ASAP1: variants seen among roughly 807,000 people sequenced by gnomAD.
ASAP1 encodes arf-GAP with SH3 domain, ANK repeat and PH domain-containing protein 1.
Under a neutral mutation model 145.2 loss-of-function variants are expected in ASAP1, and 43 were observed. The observed-to-expected ratio is 0.30, with a 90% CI of 0.23 to 0.38. The LOEUF (loss-of-function observed/expected upper bound fraction) is 0.38. ASAP1 is among the 10% of genes least tolerant of loss of function. The pLI is 1.00. For synonymous variants in ASAP1, 546 were observed against 515.5 expected, an observed-to-expected ratio of 1.06 and a Z score of -0.80; for missense variants, 1,018 against 1,355.3, an observed-to-expected ratio of 0.75 and a Z score of 3.91.
intron 1 of ASAP1, among the ~76,000 whole-genome samples, chr8:130,420,621 C>T (rs1330587430): frequency 2.0e-5 from 3 of 152,144 alleles, no homozygotes; most frequent in East Asian, 1.9e-4. Context: ...AGGCCAGGTG[C>T]GGTGGCTCAC....
At chr8:130,312,380 G>A (rs1041782514) in intron 3 of ASAP1, among the ~76,000 whole-genome samples, 1 of 151,940 alleles carries the variant, frequency 6.6e-6, no homozygotes, top group East Asian at 1.9e-4. Context: ...CTTTGAAAGG[G>A]AGCTTGAACA....
At chr8:130,296,030 T>G (rs1275675117) in intron 3 of ASAP1, among the ~76,000 whole-genome samples, 1 of 152,204 alleles carries the variant, frequency 6.6e-6, no homozygotes, top group African/African-American at 2.4e-5. Context: ...AAGCCTGCCT[T>G]GCTCACCTCT....
intron 25 of ASAP1, chr8:130,084,693 T>C (rs2135365829): frequency 6.6e-6 from 1 of 152,316 alleles, no homozygotes; most frequent in South Asian, 2.1e-4. Flanking sequence ...AAGCAAGTCA[T>C]TTGACTTCTC....
chr8:130,438,097 C>G (rs1373345806), intron 1 of ASAP1, among the ~76,000 whole-genome samples: 2 of 152,170 alleles, frequency 1.3e-5, no homozygotes, highest in African/African-American at 2.4e-5. Context: ...CTCAGCTCGT[C>G]GGTGGCCAAG....
At chr8:130,390,282 T>G (rs1282656373) in intron 2 of ASAP1, among the ~76,000 whole-genome samples, 2 of 152,240 alleles carry the variant, frequency 1.3e-5, no homozygotes, top group Non-Finnish European at 2.9e-5. Context: ...AAGCACATTT[T>G]AAGTGCTCAA....
chr8:130,242,275 A>C (rs1383720516), intron 3 of ASAP1, among the ~76,000 whole-genome samples: 4 of 149,180 alleles, frequency 2.7e-5, no homozygotes, highest in South Asian at 2.1e-4. Flanking sequence ...AAAAAAAAAA[A>C]AAAAAAAACA....
chr8:130,343,438 A>G (rs1825512922), intron 3 of ASAP1, among the ~76,000 whole-genome samples: 2 of 152,328 alleles, frequency 1.3e-5, no homozygotes, highest in South Asian at 4.1e-4. Flanking sequence ...AACACACACA[A>G]GGGCAACAGC....
chr8:130,332,241 A>T (rs548655863), intron 3 of ASAP1, among the ~76,000 whole-genome samples: 4 of 152,168 alleles, frequency 2.6e-5, no homozygotes, highest in African/African-American at 9.7e-5. Flanking sequence ...GAAGATGTTG[A>T]GTGCTTGTTA....
At chr8:130,243,956 A>G (rs1818696702) in intron 3 of ASAP1, among the ~76,000 whole-genome samples, 1 of 152,220 alleles carries the variant, frequency 6.6e-6, no homozygotes, top group South Asian at 2.1e-4. Flanking sequence ...TGTCACCAGC[A>G]CTGAAAACAA....
chr8:130,232,941 G>A (rs926054485), intron 4 of ASAP1, among the ~76,000 whole-genome samples: 1 of 152,196 alleles, frequency 6.6e-6, no homozygotes, highest in South Asian at 2.1e-4. Context: ...AAAGCCCTTG[G>A]AGGGGAACAG....
intron 28 of ASAP1, 84 bp downstream of exon 28, chr8:130,060,495 T>C: frequency 6.7e-7 from 1 of 1,493,486 alleles, no homozygotes; most frequent in Non-Finnish European, 9.0e-7. Flanking sequence ...CACTTTTTCT[T>C]GTGTAAGTTG....
chr8:130,105,751 C>T (rs1031474), intron 24 of ASAP1, among the ~76,000 whole-genome samples: 106,933 of 152,048 alleles, frequency 0.7, 37,677 homozygotes, highest in South Asian at 0.78. Context: ...GAGTAGAGTG[C>T]GCTGGGACAC....
chr8:130,092,837 C>A (rs140957711), intron 24 of ASAP1, among the ~76,000 whole-genome samples: 27 of 151,822 alleles, frequency 1.8e-4, no homozygotes, highest in African/African-American at 5.6e-4. Context: ...ACAGGCTAAG[C>A]CTTCACTGGG....
intron 3 of ASAP1, among the ~76,000 whole-genome samples, chr8:130,265,534 C>T (rs1423374843): frequency 1.3e-5 from 2 of 149,218 alleles, no homozygotes; most frequent in African/African-American, 5.0e-5. Flanking sequence ...GATGGTGCCA[C>T]TGCACTCCAG....
At chr8:130,072,013 G>T (rs1251927933) in intron 27 of ASAP1, among the ~76,000 whole-genome samples, 1 of 152,070 alleles carries the variant, frequency 6.6e-6, no homozygotes, top group African/African-American at 2.4e-5. Flanking sequence ...ACCTTCTCTT[G>T]CCCTCTTATT....
chr8:130,383,028 C>G (rs1344166027), intron 2 of ASAP1, among the ~76,000 whole-genome samples: 1 of 152,166 alleles, frequency 6.6e-6, no homozygotes, highest in Non-Finnish European at 1.5e-5. Flanking sequence ...CACAGAGGCA[C>G]AGAAGAGCAT....
intron 13 of ASAP1, among the ~76,000 whole-genome samples, chr8:130,137,950 G>T (rs1390212807): frequency 6.6e-6 from 1 of 152,230 alleles, no homozygotes; most frequent in African/African-American, 2.4e-5. Context: ...GCTGGGCTGT[G>T]CTCGAACACG....
At chr8:130,327,033 T>C (rs1477719439) in intron 3 of ASAP1, among the ~76,000 whole-genome samples, 2 of 152,226 alleles carry the variant, frequency 1.3e-5, no homozygotes, top group African/African-American at 2.4e-5. Context: ...GGAGGCAGCA[T>C]CTGAGTAGCT....
At position 130,358,093 on chromosome 8, in the gene ASAP1, T is replaced by A; in HGVS notation, c.110A>T (p.Asp37Val). Residue 37 changes from aspartate to valine, a missense_variant, in exon 3 of 30, where the codon GAC becomes GTC. This residue lies in a region of ASAP1 where 106 missense variants were observed against 134.5 expected (regional missense o/e 0.79). Transcript: ENST00000518721. The surrounding 1 kb of genome is among the most constrained non-coding windows in gnomAD (Gnocchi z 4.1). ...GCTGGACGTGGTGGGCGAGTTGTAG[T>A]CCTCGGTGGTCTCGGCGATGAACTC... ...VSEFIAETTE[D>V]YNSPTTSSFT... The A allele has an allele frequency of 6.2e-7, 1 of 1,609,648 alleles. No homozygotes were observed.
Sources: gnomAD v4.1 joint callset for allele counts (sites outside exome capture counted in the v4.1 genomes callset) on GRCh38, gnomAD v4.1.1 for gene constraint, gnomAD v4.1.1 regional missense constraint, Gnocchi (gnomAD v3.1) non-coding constraint, MANE v1.5 for transcripts, NCBI Gene and HGNC (gene_info 2026-07-23, HGNC 2026-07-21) for gene names.